Variants in DNAJA3 observed in about 807,000 individuals in gnomAD.
The protein encoded by DNAJA3 is dnaJ homolog subfamily A member 3, mitochondrial.
DNAJA3 carries 29 observed loss-of-function variants against 54.9 expected under a neutral mutation model. The ratio of observed to expected loss-of-function variants is 0.53; its 90% CI spans 0.39 to 0.72. DNAJA3 has a LOEUF of 0.72. DNAJA3 is among the 30% of genes least tolerant of loss of function. The pLI, the probability that DNAJA3 is intolerant of heterozygous loss-of-function variation, is 0.00. For missense variants in DNAJA3, 708 were observed against 639.4 expected (o/e 1.11, Z -1.16); for synonymous variants, 302 against 251.4 (o/e 1.20, Z -1.90).
intron 10 of DNAJA3, among the ~76,000 whole-genome samples, chr16:4,452,063 C>G (rs983985452): frequency 6.6e-6 from 1 of 152,102 alleles, no homozygotes; most frequent in African/African-American, 2.4e-5. Flanking sequence ...TAGCGAGACT[C>G]TGTCTCAAAA....
Position 4,455,528 on chromosome 16 carries a change from C to A in DNAJA3, c.*14-18C>A. 6.4e-7 allele frequency: 1 copy of A among 1,551,720 alleles called. No homozygotes were observed. The highest frequency in any genetic ancestry group is 1.2e-5 in the South Asian group (1 of 84,064). On this transcript the variant is annotated intron_variant, in intron 11 of 11. Coordinates refer to ENST00000262375, the MANE Select transcript of DNAJA3 (RefSeq NM_005147.6). ...TGAAATGTTGAGTATAAGGTAACAGCCTATCTCTTTGGCTCAGGAAAAAGA... is the reference window on the plus strand; with the variant it reads ...TGAAATGTTGAGTATAAGGTAACAGACTATCTCTTTGGCTCAGGAAAAAGA...
At chr16:4,434,053 G>A (rs1023358095) in intron 1 of DNAJA3, 19 of 293,150 alleles carry the variant, frequency 6.5e-5, no homozygotes, top group African/African-American at 4.1e-4. Flanking sequence ...GGCGGAAGGG[G>A]AAGCAAACAC....
chr16:4,437,082 T>G (rs1435715791), intron 2 of DNAJA3, among the ~76,000 whole-genome samples: 1 of 152,180 alleles, frequency 6.6e-6, no homozygotes, highest in Non-Finnish European at 1.5e-5. Flanking sequence ...GTGATTCTCG[T>G]GCTTCAGCCT....
intron 9 of DNAJA3, chr16:4,450,093 A>C (rs2056959103): frequency 3.6e-6 from 1 of 277,578 alleles, no homozygotes; most frequent in Non-Finnish European, 6.7e-6. Flanking sequence ...TGGCCTAATT[A>C]GATAATTTCT....
chr16:4,433,394 G>C (rs1242731358), intron 1 of DNAJA3: 2 of 152,210 alleles, frequency 1.3e-5, no homozygotes, highest in Non-Finnish European at 2.9e-5. Context: ...AGATTGATTT[G>C]TCATTGGTTC....
chr16:4,442,822 A>C (rs144573204), intron 5 of DNAJA3, 195 bp from the exon 6 acceptor site: 10,997 of 621,528 alleles, frequency 0.018, 164 homozygotes, highest in Non-Finnish European at 0.02. Context: ...TCTGGAGTGC[A>C]GAAGTTTGTG....
At chr16:4,432,102 A>G (rs1474217352) in intron 1 of DNAJA3, among the ~76,000 whole-genome samples, 1 of 150,544 alleles carries the variant, frequency 6.6e-6, no homozygotes, top group African/African-American at 2.4e-5. Flanking sequence ...TCTTTAGCCT[A>G]TTTCTGTCTC....
At chr16:4,454,952 T>A (rs1033307519) in intron 11 of DNAJA3, 25 bp downstream of exon 11, 2 of 1,496,522 alleles carry the variant, frequency 1.3e-6, no homozygotes, top group African/African-American at 2.8e-5. Context: ...GAGGTTTTTT[T>A]TCCCTTTGTT....
At chr16:4,446,811 C>G (rs2056906817) in intron 7 of DNAJA3, 75 bp from the exon 8 acceptor site, 2 of 1,579,018 alleles carry the variant, frequency 1.3e-6, no homozygotes, top group Non-Finnish European at 1.7e-6. Flanking sequence ...TGAGCTTGGG[C>G]CTGGCCAGGC....
At chr16:4,455,061 C>G in intron 11 of DNAJA3, 134 bp downstream of exon 11, 2 of 654,632 alleles carry the variant, frequency 3.1e-6, no homozygotes, top group Non-Finnish European at 5.4e-6. Flanking sequence ...TGTGGTAAAC[C>G]TAGCTCCACT....
At chr16:4,438,716 A>C (rs1255741957) in intron 3 of DNAJA3, among the ~76,000 whole-genome samples, 1 of 144,806 alleles carries the variant, frequency 6.9e-6, no homozygotes, top group East Asian at 2.0e-4. Flanking sequence ...AGCTGAAGAG[A>C]TCCTCCTGCC....
intron 2 of DNAJA3, among the ~76,000 whole-genome samples, chr16:4,436,320 G>A (rs1234821052): frequency 3.3e-5 from 5 of 152,188 alleles, no homozygotes; most frequent in Non-Finnish European, 7.3e-5. Flanking sequence ...AAAGATGGAG[G>A]CTGGGTTGGA....
intron 10 of DNAJA3, among the ~76,000 whole-genome samples, chr16:4,454,175 G>T (rs1447221004): frequency 6.6e-6 from 1 of 152,206 alleles, no homozygotes; most frequent in Non-Finnish European, 1.5e-5. Context: ...ACAAAGGATT[G>T]TGCGTGGCCG....
At position 4,425,931 on chromosome 16, in the gene DNAJA3, C is replaced by T. The variant is rs748488196; in HGVS notation, c.50C>T (p.Pro17Leu). 3.9e-6 allele frequency: 6 copies of T among 1,553,482 alleles called. No individual in the cohort carries two copies. The African/African-American group carries it at 8.2e-5, about 21-fold the overall frequency. Reference sequence around the variant, plus strand: ...TGGTTGCTGGTGGTTGTGGGGACCCCGCGGCTGCCGGCTATATCGGGTAGA... The same window carrying T: ...TGGTTGCTGGTGGTTGTGGGGACCCTGCGGCTGCCGGCTATATCGGGTAGA... Reference protein sequence around the residue: ...TRWLLVVVGTPRLPAISGRGA... With the variant: ...TRWLLVVVGTLRLPAISGRGA... The change falls in exon 1 of 12, where the codon CCG becomes CTG. Residue 17 changes from proline (P) to leucine (L), a missense_variant. By Grantham distance (98) the Pro-to-Leu change is moderately conservative (BLOSUM62 -3). Transcript: ENST00000262375.
chr16:4,444,475 C>G (rs1347778169), intron 6 of DNAJA3, among the ~76,000 whole-genome samples, 189 bp from the exon 7 acceptor site: 3 of 151,886 alleles, frequency 2.0e-5, no homozygotes, highest in Non-Finnish European at 4.4e-5. Context: ...TCCTGAGTAG[C>G]TGGGACTACA....
chr16:4,437,316 G>A (rs1401395745), intron 2 of DNAJA3, 86 bp from the exon 3 acceptor site: 2 of 1,112,644 alleles, frequency 1.8e-6, no homozygotes, highest in East Asian at 2.5e-5. Context: ...CTGGTATTTG[G>A]GGTTCTGTTG....
chr16:4,438,271 T>C (rs1356812074), intron 3 of DNAJA3, among the ~76,000 whole-genome samples: 3 of 150,936 alleles, frequency 2.0e-5, no homozygotes, highest in Non-Finnish European at 4.4e-5. Flanking sequence ...GAGCTGAGAT[T>C]GCGCCACTGC....
chr16:4,443,118 A>T lies in DNAJA3; in HGVS notation c.885A>T (p.Ala295=). The T allele has an allele frequency of 6.2e-7, 1 of 1,614,046 alleles. No homozygotes were observed. The highest frequency in any genetic ancestry group is 8.5e-7 in the Non-Finnish European group (1 of 1,180,018). The change falls in exon 6 of 12, where the codon GCA becomes GCT. Residue 295 remains alanine (A), a synonymous_variant. Transcript: ENST00000262375. ...IISPCVVCRG[A]GQAKQKKRVM... The stretch of plus-strand genomic sequence containing the variant: ...CGCCCTGTGTGGTCTGCAGGGGAGC[A>T]GGACAAGCCAAGCAGAAAAAGCGAG...
rs201926324 is a variant in DNAJA3 at position 4,441,368 on chromosome 16, A to G, written c.430-7A>G. 3.7e-6 allele frequency: 6 copies of G among 1,608,764 alleles called. No individual in the cohort carries two copies. In the East Asian group the frequency reaches 6.7e-5, roughly 18 times the overall value. On this transcript the variant is annotated splice_region_variant and splice_polypyrimidine_tract_variant and intron_variant, in intron 3 of 11. Transcript: ENST00000262375. ...GGGATGCCCAGTGGCTCTGCCTTTC[A>G]CTGTAGGTTTTGAGTGATGAGGTGA... is the stretch of plus-strand genomic sequence containing the variant.
Sources: gnomAD v4.1 joint callset for allele counts (sites outside exome capture counted in the v4.1 genomes callset) on GRCh38, gnomAD v4.1.1 for gene constraint, MANE v1.5 for transcripts, NCBI Gene and HGNC (gene_info 2026-07-23, HGNC 2026-07-21) for gene names.